The following TG variants were observed in gnomAD, a reference collection of about 807,000 sequenced individuals.
The protein encoded by TG is thyroid hormones.
TG carries 270 observed loss-of-function variants against 324.7 expected under a neutral mutation model. The ratio of observed to expected loss-of-function variants is 0.83; its 90% CI spans 0.75 to 0.92. The LOEUF (loss-of-function observed/expected upper bound fraction) is 0.92, where lower values mean the gene tolerates loss of function less well. Ranked by LOEUF, TG falls within the 40% of genes least tolerant of loss-of-function variation. The pLI is 0.00. For missense variants in TG, 3,591 were observed against 3,456.4 expected, an observed-to-expected ratio of 1.04 and a Z score of -0.98; for synonymous variants, 1,401 against 1,327.0, an observed-to-expected ratio of 1.06 and a Z score of -1.21.
At chr8:133,128,800 T>C (rs1034964867) in intron 45 of TG, among the ~76,000 whole-genome samples, 3 of 152,220 alleles carry the variant, frequency 2.0e-5, no homozygotes, top group Non-Finnish European at 4.4e-5. Context: ...AAAAGCTAAA[T>C]GCCTCCAGGC....
chr8:133,051,453 C>G (rs182656254), intron 41 of TG, among the ~76,000 whole-genome samples: 1 of 152,180 alleles, frequency 6.6e-6, no homozygotes, highest in Admixed American at 6.5e-5. Flanking sequence ...GTTCTGAGGA[C>G]CCATTAGGAC....
intron 2 of TG, 77 bp from the exon 3 acceptor site, chr8:132,869,652 A>C (rs1337144990): frequency 1.3e-5 from 17 of 1,277,080 alleles, no homozygotes; most frequent in Non-Finnish European, 1.1e-6. Flanking sequence ...ATGAAGAAGA[A>C]AAGTAGCCTG....
intron 34 of TG, among the ~76,000 whole-genome samples, chr8:132,980,942 C>T (rs1756852442): frequency 6.6e-6 from 1 of 152,096 alleles, no homozygotes; most frequent in Non-Finnish European, 1.5e-5. Flanking sequence ...GAGATAACTG[C>T]ATGCCAAATG....
At chr8:132,931,708 C>T (rs1389711220) in intron 23 of TG, among the ~76,000 whole-genome samples, 6 of 151,996 alleles carry the variant, frequency 3.9e-5, no homozygotes, top group African/African-American at 1.5e-4. Flanking sequence ...GTCCCTGAGC[C>T]CGAAGCAGGG....
At chr8:132,964,151 T>G (rs1337496810) in intron 29 of TG, among the ~76,000 whole-genome samples, 1 of 152,002 alleles carries the variant, frequency 6.6e-6, no homozygotes, top group African/African-American at 2.4e-5. Flanking sequence ...TGTGAGTTAG[T>G]GGCACTTGAG....
intron 16 of TG, among the ~76,000 whole-genome samples, chr8:132,906,382 A>G (rs6994911): frequency 0.079 from 12,055 of 152,068 alleles, 1,511 homozygotes; most frequent in African/African-American, 0.27. Context: ...TGAAGAGACC[A>G]GGTGGTAACT....
chr8:133,054,579 A>C (rs1166957201), intron 41 of TG, among the ~76,000 whole-genome samples: 2 of 152,236 alleles, frequency 1.3e-5, no homozygotes, highest in Non-Finnish European at 2.9e-5. Context: ...ATTTTCATGG[A>C]GAGCGGGGTC....
chr8:133,125,544 C>A (rs749303890), intron 45 of TG, among the ~76,000 whole-genome samples: 1 of 152,174 alleles, frequency 6.6e-6, no homozygotes, highest in Non-Finnish European at 1.5e-5. Flanking sequence ...CTGGAAGAAT[C>A]CAATTTGGAG....
At chr8:133,121,682 T>C (rs1175999764) in intron 45 of TG, among the ~76,000 whole-genome samples, 1 of 152,242 alleles carries the variant, frequency 6.6e-6, no homozygotes, top group Admixed American at 6.5e-5. Flanking sequence ...AATTTCTTCA[T>C]CTGGCAAATG....
intron 37 of TG, 50 bp from the exon 38 acceptor site, chr8:133,017,728 C>T: frequency 6.5e-7 from 1 of 1,532,410 alleles, no homozygotes; most frequent in Non-Finnish European, 9.0e-7. Context: ...AGAGAGCACT[C>T]ACTGAGGCCT....
chr8:132,929,315 A>G, intron 23 of TG, 123 bp downstream of exon 23: 1 of 768,978 alleles, frequency 1.3e-6, no homozygotes. Context: ...TTTATCAAAA[A>G]CACTATAAAT....
At chr8:133,071,348 T>C (rs28445135) in intron 41 of TG, among the ~76,000 whole-genome samples, 40,233 of 152,106 alleles carry the variant, frequency 0.26, 5,412 homozygotes, top group South Asian at 0.31. Context: ...GGTACTGGAA[T>C]CCAGGCATCT....
chr8:133,026,151 C>T (rs1836051939), intron 40 of TG, among the ~76,000 whole-genome samples: 1 of 152,192 alleles, frequency 6.6e-6, no homozygotes, highest in South Asian at 2.1e-4. Flanking sequence ...CAGTGGCAGC[C>T]CTGTCACTCA....
intron 35 of TG, among the ~76,000 whole-genome samples, chr8:132,986,807 C>T (rs1482243084): frequency 2.6e-5 from 4 of 152,090 alleles, no homozygotes; most frequent in Non-Finnish European, 4.4e-5. Context: ...CCAAATTAGT[C>T]TCAAACAGTT....
chr8:132,935,503 C>T (rs1338942188), intron 24 of TG, among the ~76,000 whole-genome samples: 3 of 152,118 alleles, frequency 2.0e-5, no homozygotes, highest in East Asian at 3.9e-4. Context: ...GGAAACTTTT[C>T]TAGCTTCTCT....
intron 35 of TG, 86 bp from the exon 36 acceptor site, chr8:133,011,815 C>T (rs1461998271): frequency 1.3e-6 from 2 of 1,591,904 alleles, no homozygotes; most frequent in Non-Finnish European, 1.7e-6. Flanking sequence ...CTAAGGCTGC[C>T]TTTGGGGATA....
Position 132,966,642 on chromosome 8 carries a change from C to G in TG, c.5631C>G (p.His1877Gln). 2.5e-6 allele frequency: 4 copies of G among 1,614,150 alleles called. No homozygotes were observed. Among genetic ancestry groups the G allele is most frequent in the Non-Finnish European group, 3.4e-6 (4 of 1,180,010 alleles). Residue 1877 changes from histidine (H) to glutamine (Q), a missense_variant, in exon 30 of 48, where the codon CAC becomes CAG. By Grantham distance (24) the His-to-Gln change is conservative. Transcript: ENST00000220616. Reference sequence around the variant, plus strand: ...ATCAATCACTATCCAGCCAGAAGCACTGGCTTTTCAAGCACCTGTTTTCAG... The same window carrying G: ...ATCAATCACTATCCAGCCAGAAGCAGTGGCTTTTCAAGCACCTGTTTTCAG... ...NGNQSLSSQK[H>Q]WLFKHLFSAQ...
intron 21 of TG, among the ~76,000 whole-genome samples, chr8:132,920,126 C>T (rs1215813763): frequency 6.6e-6 from 1 of 152,222 alleles, no homozygotes; most frequent in African/African-American, 2.4e-5. Context: ...CTATGTAGCT[C>T]ATCTTCCTTC....
chr8:132,954,902 G>T (rs1364512475), intron 27 of TG, among the ~76,000 whole-genome samples: 1 of 152,202 alleles, frequency 6.6e-6, no homozygotes, highest in Non-Finnish European at 1.5e-5. Context: ...GAAGTGGGAT[G>T]TAGAGATCCT....
Sources: gnomAD v4.1 joint callset for allele counts (sites outside exome capture counted in the v4.1 genomes callset) on GRCh38, gnomAD v4.1.1 for gene constraint, MANE v1.5 for transcripts, NCBI Gene and HGNC (gene_info 2026-07-23, HGNC 2026-07-21) for gene names.